The following GARS1 variants were observed in gnomAD, a reference collection of about 807,000 sequenced individuals.
GARS1 encodes the protein glycine--tRNA ligase.
GARS1 carries 46 observed loss-of-function variants against 86.4 expected under a neutral mutation model. That is an observed-to-expected ratio of 0.53 (90% CI 0.42 to 0.68). GARS1 has a LOEUF of 0.68. Among genes scored for constraint, GARS1 ranks in the 30% least tolerant of loss-of-function variants. GARS1 has a pLI of 0.00. For missense variants in GARS1, 797 were observed against 915.6 expected (o/e 0.87, Z 1.67); for synonymous variants, 342 against 329.8 (o/e 1.04, Z -0.40).
chr7:30,611,444 G>C (rs1251571352), intron 7 of GARS1, among the ~76,000 whole-genome samples: 1 of 152,164 alleles, frequency 6.6e-6, no homozygotes, highest in African/African-American at 2.4e-5. Flanking sequence ...TGACTTAGAA[G>C]ACATCAGGGG....
At chr7:30,631,830 G>A (rs1783240786) in intron 15 of GARS1, 1 of 391,472 alleles carries the variant, frequency 2.6e-6, no homozygotes, top group South Asian at 2.3e-5. Context: ...GGGAACCTGA[G>A]TGGAGTGTAG....
intron 14 of GARS1, among the ~76,000 whole-genome samples, chr7:30,630,941 T>G (rs1004393395): frequency 6.6e-6 from 1 of 152,250 alleles, no homozygotes; most frequent in African/African-American, 2.4e-5. Flanking sequence ...GACATATGTT[T>G]GTGAGCTAAT....
chr7:30,629,825 A>G (rs1286301396), intron 14 of GARS1, among the ~76,000 whole-genome samples: 1 of 152,234 alleles, frequency 6.6e-6, no homozygotes, highest in African/African-American at 2.4e-5. Context: ...CTTTTTGAGA[A>G]ATGATGACAA....
intron 13 of GARS1, 193 bp from the exon 14 acceptor site, chr7:30,628,367 T>A: frequency 2.2e-6 from 1 of 445,446 alleles, no homozygotes; most frequent in South Asian, 1.8e-5. Context: ...GTATTTTTAG[T>A]AGAGACGGGG....
At chr7:30,610,328 A>G (rs1177227474) in intron 7 of GARS1, among the ~76,000 whole-genome samples, 2 of 152,258 alleles carry the variant, frequency 1.3e-5, no homozygotes, top group African/African-American at 2.4e-5. Context: ...TGGATAAAGA[A>G]TATCTGGTTA....
intron 9 of GARS1, among the ~76,000 whole-genome samples, chr7:30,616,752 T>A (rs1169534897): frequency 6.6e-6 from 1 of 152,232 alleles, no homozygotes; most frequent in Admixed American, 6.5e-5. Flanking sequence ...CAACGTGTCA[T>A]TACTTTGGTT....
chr7:30,599,412 T>G (rs1791329057), intron 2 of GARS1, among the ~76,000 whole-genome samples: 1 of 151,730 alleles, frequency 6.6e-6, no homozygotes, highest in Non-Finnish European at 1.5e-5. Context: ...TTAGTCTTGT[T>G]TTTTTTTTGA....
At chr7:30,597,493 G>A (rs929329096) in intron 1 of GARS1, among the ~76,000 whole-genome samples, 7 of 152,014 alleles carry the variant, frequency 4.6e-5, no homozygotes, top group Non-Finnish European at 8.8e-5. Context: ...TACCCAGAAC[G>A]TCATATTACA....
In GARS1 at chr7:30,601,052, T is replaced by C. The variant is rs1791365114; in HGVS notation, c.428-7T>C. 6.2e-7 allele frequency: 1 copy of C among 1,613,798 alleles called. No individual in the cohort carries two copies. The highest frequency in any genetic ancestry group is 8.5e-7 in the Non-Finnish European group (1 of 1,179,712). Reference sequence around the variant, plus strand: ...TAAAGTATGTGTTTTCCTCTCATATTCTATAGGTGTTAGTGGTCTGTATGA... The same window carrying C: ...TAAAGTATGTGTTTTCCTCTCATATCCTATAGGTGTTAGTGGTCTGTATGA... On this transcript the variant is annotated splice_polypyrimidine_tract_variant and splice_region_variant and intron_variant, in intron 3 of 16. Transcript: ENST00000389266.
chr7:30,625,363 CAG>C (rs1403925717), intron 12 of GARS1, among the ~76,000 whole-genome samples: 3 of 152,142 alleles, frequency 2.0e-5, no homozygotes, highest in African/African-American at 7.2e-5. Flanking sequence ...AGACTTCAGA[CAG>C]AATAGTAAAA....
intron 15 of GARS1, among the ~76,000 whole-genome samples, 159 bp downstream of exon 15, chr7:30,631,700 C>A (rs1584054944): frequency 6.6e-6 from 1 of 152,074 alleles, no homozygotes; most frequent in African/African-American, 2.4e-5. Flanking sequence ...TATTTCTAAG[C>A]GAGAGGATAT....
intron 2 of GARS1, 141 bp from the exon 3 acceptor site, chr7:30,599,806 A>C (rs1035002949): frequency 1.6e-6 from 1 of 607,922 alleles, no homozygotes; most frequent in Non-Finnish European, 2.9e-6. Flanking sequence ...TATGGCTTCT[A>C]TTGTTTTTAA....
chr7:30,627,362 C>T (rs2128135729), intron 13 of GARS1, among the ~76,000 whole-genome samples: 1 of 152,290 alleles, frequency 6.6e-6, no homozygotes, highest in Non-Finnish European at 1.5e-5. Context: ...CACCATTACT[C>T]AGATACCACA....
chr7:30,624,149 T>C (rs1247677502), intron 12 of GARS1, among the ~76,000 whole-genome samples: 2 of 152,044 alleles, frequency 1.3e-5, no homozygotes, highest in Non-Finnish European at 2.9e-5. Context: ...TTAGTGTTAG[T>C]GTATTTTATG....
At chr7:30,627,444 C>CT (rs753770164) in intron 13 of GARS1, among the ~76,000 whole-genome samples, 1 of 152,220 alleles carries the variant, frequency 6.6e-6, no homozygotes, top group South Asian at 2.1e-4. Context: ...AACAGGCTCT[C>CT]TTTTCCCATA....
chr7:30,606,617 T>C (rs1294436234), intron 6 of GARS1, among the ~76,000 whole-genome samples: 1 of 152,194 alleles, frequency 6.6e-6, no homozygotes, highest in Non-Finnish European at 1.5e-5. Flanking sequence ...GACTAGGAGT[T>C]CTCTGCTGAG....
chr7:30,628,739 T>C, intron 14 of GARS1, 70 bp downstream of exon 14: 1 of 944,668 alleles, frequency 1.1e-6, no homozygotes, highest in Non-Finnish European at 1.7e-6. Context: ...CATTGTGAAG[T>C]ACATTAATAA....
chr7:30,621,054 CTTT>C (rs749336250), intron 10 of GARS1, among the ~76,000 whole-genome samples: 9 of 128,716 alleles, frequency 7.0e-5, no homozygotes, highest in Admixed American at 7.8e-5. Flanking sequence ...TTTTTTCTTT[CTTT>C]TTTTTTTTTT....
chr7:30,613,526 G>A (rs1487860823), intron 8 of GARS1, among the ~76,000 whole-genome samples: 1 of 152,196 alleles, frequency 6.6e-6, no homozygotes, highest in East Asian at 1.9e-4. Context: ...TTTACACAGA[G>A]TAGCTATGGG....
Sources: allele counts gnomAD v4.1 joint callset (sites outside exome capture counted in the v4.1 genomes callset), GRCh38; gene constraint gnomAD v4.1.1; transcripts MANE v1.5; gene names NCBI Gene and HGNC (gene_info 2026-07-23, HGNC 2026-07-21).